The following CLEC4C variants were observed in gnomAD, a reference collection of about 807,000 sequenced individuals.
The protein encoded by CLEC4C is C-type (calcium dependent, carbohydrate-recognition domain) lectin, superfamily member 11.
In CLEC4C, 17 loss-of-function variants were observed where a neutral mutation model predicts 27.7. The observed-to-expected ratio is 0.61, with a 90% CI of 0.42 to 0.92. CLEC4C has a LOEUF of 0.92. Ranked by LOEUF, CLEC4C falls within the 40% of genes least tolerant of loss-of-function variation. CLEC4C has a pLI of 0.00. For synonymous variants in CLEC4C, 80 were observed against 80.8 expected (o/e 0.99, Z 0.06); for missense variants, 244 against 257.3 (o/e 0.95, Z 0.35).
At chr12:7,748,056 G>A (rs1006455031), upstream of CLEC4C, among the ~76,000 whole-genome samples, 17 of 151,904 alleles carry the variant, frequency 1.1e-4, no homozygotes, top group Admixed American at 6.6e-5. Context: ...CCACGTGCCC[G>A]GCCACTGCTG....
chr12:7,745,465 C>T (rs1011966356), intron 2 of CLEC4C, among the ~76,000 whole-genome samples: 2 of 119,000 alleles, frequency 1.7e-5, no homozygotes, highest in African/African-American at 3.2e-5. Flanking sequence ...CAGAGTCTCA[C>T]TCTGTCACCC....
At chr12:7,747,143 A>G (rs749963127) in intron 1 of CLEC4C, among the ~76,000 whole-genome samples, 175 bp downstream of exon 1, 1 of 151,724 alleles carries the variant, frequency 6.6e-6, no homozygotes, top group Non-Finnish European at 1.5e-5. Flanking sequence ...TTTTTCTTTC[A>G]TCTTTCCCTG....
At chr12:7,747,631 TC>T, upstream of CLEC4C, 7 of 242,272 alleles carry the variant, frequency 2.9e-5, no homozygotes, top group East Asian at 7.1e-5. Context: ...GGTCTGATTG[TC>T]TTTTTTTTTT....
intron 1 of CLEC4C, among the ~76,000 whole-genome samples, chr12:7,747,102 C>T (rs781225288): frequency 8.5e-4 from 130 of 152,310 alleles, no homozygotes; most frequent in African/African-American, 3.0e-3. Context: ...GGATTACAGG[C>T]GTGAGCCACC....
rs565152331 is a variant in CLEC4C at position 7,746,192 on chromosome 12, C to T, written c.124+139G>A. The T allele has an allele frequency of 7.2e-3, 4,061 of 566,886 alleles. 22 individuals are homozygous for T. The highest frequency in any genetic ancestry group is 9.1e-3 in the Non-Finnish European group (3,016 of 332,808). The allele number at this position is 566,886 out of a possible 1,614,324, so 35.1% of individuals were successfully genotyped here. On this transcript the variant is annotated intron_variant, in intron 2 of 5. Coordinates refer to ENST00000360345, the MANE Select transcript of CLEC4C (RefSeq NM_001371390.1). ...TCACGCCACTGCACTCCATCCTGGG[C>T]GACAGAGCGAGATTCCGTCTCAAAA...
Position 7,746,411 on chromosome 12 carries a change from C to G in CLEC4C, c.44G>C (p.Trp15Ser). The change falls in exon 2 of 6, where the codon TGG (tryptophan) becomes TCG (serine). Residue 15 changes from tryptophan (W) to serine (S), a missense_variant. Trp to Ser is a radical substitution (Grantham distance 177). Coordinates refer to ENST00000360345, the MANE Select transcript of CLEC4C (RefSeq NM_001371390.1). ...EEPQDREKGLWWFQLKVWSMA... is the reference protein window; with the variant it reads ...EEPQDREKGLSWFQLKVWSMA... ...GGACCAGACCTTCAACTGGAACCAC[C>G]AGAGTCCTTTCTCTGTCAGATCAGC... The G allele has an allele frequency of 3.7e-6, 6 of 1,612,070 alleles. No homozygotes were observed. The highest frequency in any genetic ancestry group is 5.1e-6 in the Non-Finnish European group (6 of 1,178,296).
chr12:7,730,711 A>T, intron 5 of CLEC4C, 86 bp downstream of exon 5: 2 of 635,158 alleles, frequency 3.1e-6, no homozygotes, highest in East Asian at 2.9e-5. Context: ...TGTGGGTTTT[A>T]TTGTTTGTTT....
intron 4 of CLEC4C, 109 bp from the exon 5 acceptor site, chr12:7,731,021 A>T: frequency 1.7e-6 from 1 of 578,514 alleles, no homozygotes; most frequent in African/African-American, 1.9e-5. Context: ...CATGCATTTC[A>T]AGGAAATCAC....
intron 2 of CLEC4C, among the ~76,000 whole-genome samples, 153 bp downstream of exon 2, chr12:7,746,178 C>T (rs1864974008): frequency 7.0e-6 from 1 of 143,628 alleles, no homozygotes; most frequent in Non-Finnish European, 1.5e-5. Flanking sequence ...CACGCCACTG[C>T]ACTCCATCCT....
intron 4 of CLEC4C, among the ~76,000 whole-genome samples, chr12:7,735,378 C>T (rs957964081): frequency 2.0e-5 from 3 of 151,514 alleles, no homozygotes; most frequent in African/African-American, 7.3e-5. Context: ...TTGCAGGCGC[C>T]TGTAATCCCA....
intron 4 of CLEC4C, among the ~76,000 whole-genome samples, chr12:7,735,506 G>GGA (rs1368502574): frequency 3.7e-5 from 3 of 80,434 alleles, no homozygotes; most frequent in Non-Finnish European, 7.1e-5. Context: ...CTGTCTCAAA[G>GGA]AAAAAAAAAA....
At chr12:7,744,397 A>ATTTT (rs1864926696) in intron 2 of CLEC4C, among the ~76,000 whole-genome samples, 7 of 152,226 alleles carry the variant, frequency 4.6e-5, no homozygotes, top group Admixed American at 2.6e-4. Flanking sequence ...TTTACTTGAC[A>ATTTT]TAGGAAGTCA....
intron 2 of CLEC4C, among the ~76,000 whole-genome samples, chr12:7,741,960 G>A (rs966056651): frequency 1.3e-5 from 2 of 152,240 alleles, no homozygotes; most frequent in Non-Finnish European, 1.5e-5. Context: ...AGCAGAGGTT[G>A]CAGTGAGCCG....
chr12:7,730,699 G>T, intron 5 of CLEC4C, 98 bp downstream of exon 5: 2 of 604,226 alleles, frequency 3.3e-6, no homozygotes, highest in Non-Finnish European at 3.0e-6. Context: ...TTTAAAAAGT[G>T]TTGTGGGTTT....
intron 2 of CLEC4C, among the ~76,000 whole-genome samples, chr12:7,745,497 A>G (rs1250258182): frequency 2.6e-5 from 3 of 115,958 alleles, no homozygotes; most frequent in African/African-American, 1.0e-4. Context: ...CAGTGGCGTG[A>G]TCTCGGCTCA....
At chr12:7,729,986 A>G (rs920839767) in intron 5 of CLEC4C, among the ~76,000 whole-genome samples, 6 of 152,156 alleles carry the variant, frequency 3.9e-5, no homozygotes, top group South Asian at 2.1e-4. Flanking sequence ...TAATCAACTC[A>G]AGCATATGTT....
At chr12:7,738,816 T>G (rs1295464245) in intron 3 of CLEC4C, among the ~76,000 whole-genome samples, 1 of 152,028 alleles carries the variant, frequency 6.6e-6, no homozygotes, top group African/African-American at 2.4e-5. Flanking sequence ...TATGATAGTT[T>G]TGTTTTGTTT....
At chr12:7,745,120 A>C (rs1178637194) in intron 2 of CLEC4C, among the ~76,000 whole-genome samples, 6 of 152,116 alleles carry the variant, frequency 3.9e-5, no homozygotes, top group Non-Finnish European at 8.8e-5. Context: ...GTCCTCCCCA[A>C]GTTCATATAT....
At chr12:7,743,379 CTTTT>C (rs375768241) in intron 2 of CLEC4C, among the ~76,000 whole-genome samples, 11 of 143,764 alleles carry the variant, frequency 7.7e-5, no homozygotes, top group Admixed American at 2.1e-4. Flanking sequence ...TCACTTAATT[CTTTT>C]TTTTTTTTTT....
Sources: allele counts gnomAD v4.1 joint callset (sites outside exome capture counted in the v4.1 genomes callset), GRCh38; gene constraint gnomAD v4.1.1; transcripts MANE v1.5; gene names NCBI Gene and HGNC (gene_info 2026-07-23, HGNC 2026-07-21).